NBEA: variants seen among roughly 807,000 people sequenced by gnomAD.
NBEA encodes the protein neurobeachin, also known as lysosomal-trafficking regulator 2.
Under a neutral mutation model 343.4 loss-of-function variants are expected in NBEA, and 44 were observed. The ratio of observed to expected loss-of-function variants is 0.13; its 90% CI spans 0.10 to 0.16. NBEA has a LOEUF of 0.16. Ranked by LOEUF, NBEA falls within the 10% of genes least tolerant of loss-of-function variation. The pLI is 1.00. For missense variants in NBEA, 2,555 were observed against 3,631.3 expected, an observed-to-expected ratio of 0.70 and a Z score of 7.62; for synonymous variants, 1,175 against 1,238.7, an observed-to-expected ratio of 0.95 and a Z score of 1.08.
intron 47 of NBEA, among the ~76,000 whole-genome samples, chr13:35,601,455 T>C (rs1214787738): frequency 1.3e-5 from 2 of 151,710 alleles, no homozygotes; most frequent in African/African-American, 4.8e-5. Flanking sequence ...TAAAACAGAG[T>C]AACGTCATAT....
chr13:35,575,167 C>G (rs1441562242), intron 45 of NBEA, among the ~76,000 whole-genome samples: 1 of 152,138 alleles, frequency 6.6e-6, no homozygotes, highest in Non-Finnish European at 1.5e-5. Flanking sequence ...AAAATGTAAT[C>G]TTAACACTTC....
In NBEA at chr13:35,252,993, A is replaced by G. The variant is rs558078861; in HGVS notation, c.5776+20374A>G. On this transcript the variant is annotated intron_variant, in intron 34 of 58. Transcript: ENST00000379939. ...ACAGAATTCCAACTTGAAGGATTGC[A>G]TCCTGACAGGGCTGAACATGCCTGC... Among the ~76,000 whole-genome samples the G allele has an allele frequency of 3.3e-5, 5 of 152,286 alleles. No homozygotes were observed. The East Asian group carries it at 9.7e-4, about 29-fold the overall frequency.
intron 32 of NBEA, among the ~76,000 whole-genome samples, chr13:35,210,325 A>G (rs899724855): frequency 6.6e-6 from 1 of 151,878 alleles, no homozygotes; most frequent in Non-Finnish European, 1.5e-5. Flanking sequence ...GTGAGCCAAC[A>G]GCTAAAGACT....
intron 34 of NBEA, among the ~76,000 whole-genome samples, chr13:35,286,679 A>G: frequency 6.6e-6 from 1 of 152,146 alleles, no homozygotes; most frequent in East Asian, 1.9e-4. Context: ...TGTTTGTATT[A>G]AATAAAGATA....
At chr13:35,003,436 T>C (rs1032186542) in intron 1 of NBEA, among the ~76,000 whole-genome samples, 1 of 152,110 alleles carries the variant, frequency 6.6e-6, no homozygotes, top group Admixed American at 6.6e-5. Flanking sequence ...AATGCAGGTA[T>C]ATGCTTTTTA....
intron 41 of NBEA, among the ~76,000 whole-genome samples, chr13:35,482,470 A>G (rs559614966): frequency 1.6e-4 from 24 of 151,630 alleles, no homozygotes; most frequent in African/African-American, 5.8e-4. Context: ...ACTTTTTCAT[A>G]TAATGATTTG....
At chr13:35,374,652 T>C (rs2041640481) in intron 38 of NBEA, among the ~76,000 whole-genome samples, 1 of 152,146 alleles carries the variant, frequency 6.6e-6, no homozygotes, top group African/African-American at 2.4e-5. Context: ...ATATTTCAAA[T>C]TGGTAATAAA....
chr13:35,034,159 G>A (rs993636710), intron 1 of NBEA, among the ~76,000 whole-genome samples: 6 of 151,750 alleles, frequency 4.0e-5, no homozygotes, highest in African/African-American at 1.4e-4. Flanking sequence ...TGTAGTATAT[G>A]CTTTTTGTTG....
chr13:34,992,455 CA>C (rs947431537), intron 1 of NBEA, among the ~76,000 whole-genome samples: 3 of 151,270 alleles, frequency 2.0e-5, no homozygotes, highest in African/African-American at 2.4e-5. Flanking sequence ...GGCATTTCAC[CA>C]TGTTGGACAG....
intron 41 of NBEA, among the ~76,000 whole-genome samples, chr13:35,534,848 G>A (rs943405200): frequency 6.6e-6 from 1 of 152,120 alleles, no homozygotes; most frequent in African/African-American, 2.4e-5. Context: ...CAAATTATGT[G>A]TTATGCCAAC....
At chr13:34,973,357 C>T (rs1329077407) in intron 1 of NBEA, among the ~76,000 whole-genome samples, 1 of 150,940 alleles carries the variant, frequency 6.6e-6, no homozygotes, top group East Asian at 2.0e-4. Flanking sequence ...ACTTCTGCCT[C>T]TAGTTGGCTT....
chr13:35,286,169 A>T (rs1443491901), intron 34 of NBEA, among the ~76,000 whole-genome samples: 1 of 152,042 alleles, frequency 6.6e-6, no homozygotes, highest in Non-Finnish European at 1.5e-5. Context: ...TCTGCCCCAC[A>T]TCCCACTTAG....
In NBEA at chr13:35,568,933, C is replaced by G. The variant is rs1479280506; in HGVS notation, c.7035+1916C>G. On this transcript the variant is annotated intron_variant, in intron 45 of 58. Transcript: ENST00000379939. ...CATTTACCAGCTGTGGAGCTTTAGA[C>G]AAGAGTATTAGTTTCTCTTTGTCTT... Among the ~76,000 whole-genome samples, 4 of 152,172 alleles carry G rather than the reference C, an allele frequency of 2.6e-5. 1 individual carries two copies. Among genetic ancestry groups the G allele is most frequent in the African/African-American group, 9.7e-5 (4 of 41,444 alleles).
intron 38 of NBEA, among the ~76,000 whole-genome samples, chr13:35,386,918 G>T (rs1458995147): frequency 2.6e-5 from 4 of 152,104 alleles, no homozygotes; most frequent in Non-Finnish European, 2.9e-5. Context: ...TCTTAGACAG[G>T]CTGCTCCCCA....
chr13:35,568,392 C>T (rs1274052055), intron 45 of NBEA, among the ~76,000 whole-genome samples: 3 of 152,128 alleles, frequency 2.0e-5, no homozygotes, highest in African/African-American at 7.2e-5. Flanking sequence ...TTCTAATACG[C>T]TTGCAAATAT....
chr13:35,082,913 T>A (rs1285302900), intron 10 of NBEA, among the ~76,000 whole-genome samples: 1 of 152,212 alleles, frequency 6.6e-6, no homozygotes, highest in Non-Finnish European at 1.5e-5. Context: ...GCAGAAGCTC[T>A]TTAGTTTAAT....
At chr13:35,070,175 A>T in intron 9 of NBEA, 70 bp downstream of exon 9, 2 of 1,299,374 alleles carry the variant, frequency 1.5e-6, no homozygotes, top group South Asian at 2.0e-5. Flanking sequence ...TATATATCAA[A>T]CATTGCTCAT....
chr13:35,317,573 G>A (rs1043235290), intron 36 of NBEA, among the ~76,000 whole-genome samples: 6 of 152,158 alleles, frequency 3.9e-5, no homozygotes, highest in Admixed American at 2.6e-4. Flanking sequence ...GCTTAGGATT[G>A]TCTTGGCTAT....
At chr13:35,028,133 G>A (rs2152546433) in intron 1 of NBEA, among the ~76,000 whole-genome samples, 1 of 151,832 alleles carries the variant, frequency 6.6e-6, no homozygotes, top group South Asian at 2.1e-4. Context: ...GTTTGTTCAA[G>A]AAAAAATTTA....
Sources: allele counts gnomAD v4.1 joint callset (sites outside exome capture counted in the v4.1 genomes callset), GRCh38; gene constraint gnomAD v4.1.1; transcripts MANE v1.5; gene names NCBI Gene and HGNC (gene_info 2026-07-23, HGNC 2026-07-21).